MED13: variants seen among roughly 807,000 people sequenced by gnomAD.
The protein encoded by MED13 is mediator complex subunit 13, also known as mediator of RNA polymerase II transcription subunit 13.
MED13 carries 23 observed loss-of-function variants against 225.2 expected under a neutral mutation model. That is an observed-to-expected ratio of 0.10 (90% CI 0.07 to 0.14). The LOEUF (loss-of-function observed/expected upper bound fraction) is 0.14, where lower values mean the gene tolerates loss of function less well. Among genes scored for constraint, MED13 ranks in the 10% least tolerant of loss-of-function variants. The probability of loss-of-function intolerance (pLI) is 1.00; values close to 1 mark genes in which losing one functional copy is unlikely to be tolerated. For synonymous variants in MED13, 942 were observed against 889.2 expected, an observed-to-expected ratio of 1.06 and a Z score of -1.06; for missense variants, 2,197 against 2,594.5, an observed-to-expected ratio of 0.85 and a Z score of 3.33.
Position 61,954,250 on chromosome 17 carries a change from G to A in MED13, c.5968+1132C>T, listed in dbSNP as rs1603390632. Among the ~76,000 whole-genome samples, 7 of 152,292 alleles carry A rather than the reference G, an allele frequency of 4.6e-5. No individual in the cohort carries two copies. In the East Asian group the frequency reaches 1.2e-3, roughly 25 times the overall value. On this transcript the variant is annotated intron_variant, in intron 26 of 29. Coordinates refer to ENST00000397786, the MANE Select transcript of MED13 (RefSeq NM_005121.3). ...TACTTGTGACTTTAGAGATGTGAGAGTTTTTAAGGTAGCTCAGAATAACAA... is the reference window on the plus strand; with the variant it reads ...TACTTGTGACTTTAGAGATGTGAGAATTTTTAAGGTAGCTCAGAATAACAA...
intron 2 of MED13, among the ~76,000 whole-genome samples, chr17:62,060,820 C>CTACT (rs1471320467): frequency 6.6e-6 from 1 of 151,844 alleles, no homozygotes; most frequent in African/African-American, 2.4e-5. Context: ...CTGCCTCAGC[C>CTACT]TACTGAGTAG....
At position 61,982,439 on chromosome 17, in the gene MED13, C is replaced by A; in HGVS notation, c.3564G>T (p.Leu1188Phe). The part of the protein sequence containing the change: ...LKESEKLSDD[L>F]ILLLQDQCTN... ...TGCACTGATCTTGTAGCAATAATAT[C>A]AAATCATCAGATAATTTTTCAGATT... The change falls in exon 16 of 30, where the codon TTG becomes TTT. Residue 1188 changes from leucine to phenylalanine, a missense_variant. Physicochemically the swap from Leu to Phe is conservative, Grantham distance 22. Coordinates refer to ENST00000397786, the MANE Select transcript of MED13 (RefSeq NM_005121.3). 3.7e-6 allele frequency: 6 copies of A among 1,614,170 alleles called. No homozygotes were observed. The highest frequency in any genetic ancestry group is 5.1e-6 in the Non-Finnish European group (6 of 1,180,032).
chr17:61,954,594 T>C (rs1186432234), intron 26 of MED13, among the ~76,000 whole-genome samples: 1 of 152,114 alleles, frequency 6.6e-6, no homozygotes, highest in Non-Finnish European at 1.5e-5. Context: ...CTGGCCAACA[T>C]GGTGAAACCC....
chr17:61,964,869 G>A (rs1429878362), intron 20 of MED13, 137 bp downstream of exon 20: 1 of 771,026 alleles, frequency 1.3e-6, no homozygotes, highest in Non-Finnish European at 2.0e-6. Context: ...TCGGGAGGCA[G>A]AGGTTGCAGT....
chr17:62,012,530 A>G (rs769114301), intron 8 of MED13, among the ~76,000 whole-genome samples: 4 of 151,538 alleles, frequency 2.6e-5, no homozygotes, highest in Non-Finnish European at 5.9e-5. Context: ...GGGTTTTTCC[A>G]TGTTGGTCAG....
intron 5 of MED13, among the ~76,000 whole-genome samples, chr17:62,032,871 T>C (rs1289855480): frequency 1.3e-5 from 2 of 152,136 alleles, no homozygotes; most frequent in Non-Finnish European, 2.9e-5. Context: ...CCTTTTAGGC[T>C]GGGCACGGTG....
chr17:62,000,601 T>C (rs1236000279), intron 9 of MED13, among the ~76,000 whole-genome samples: 2 of 152,246 alleles, frequency 1.3e-5, no homozygotes, highest in African/African-American at 4.8e-5. Context: ...CATATATGTA[T>C]GCACATATGT....
chr17:61,963,844 A>C (rs781692043), intron 20 of MED13, among the ~76,000 whole-genome samples: 3 of 152,210 alleles, frequency 2.0e-5, no homozygotes, highest in Non-Finnish European at 2.9e-5. Flanking sequence ...CCTATAAATC[A>C]AAAGGGAAGA....
rs572291175 is a variant in MED13, at chr17:61,991,797, T to C, written c.2263+743A>G. Among the ~76,000 whole-genome samples the C allele has an allele frequency of 6.6e-5, 10 of 152,126 alleles. No individual in the cohort carries two copies. In the East Asian group the frequency reaches 1.7e-3, roughly 27 times the overall value. On this transcript the variant is annotated intron_variant, in intron 11 of 29. Coordinates refer to ENST00000397786, the MANE Select transcript of MED13 (RefSeq NM_005121.3). ...TGCTGAGATTACAGGTGTGAGCCAC[T>C]GTGCCCGGCCTAATTTTTGTATTTT...
intron 20 of MED13, 90 bp downstream of exon 20, chr17:61,964,916 A>G: frequency 1.6e-6 from 2 of 1,267,674 alleles, no homozygotes; most frequent in Non-Finnish European, 2.2e-6. Flanking sequence ...AGCCTGCGCA[A>G]AAGAGTGAGA....
chr17:62,024,384 A>C (rs1243895972), intron 8 of MED13, among the ~76,000 whole-genome samples: 1 of 152,242 alleles, frequency 6.6e-6, no homozygotes, highest in Non-Finnish European at 1.5e-5. Context: ...CTGTGTTGCC[A>C]ACATGCATAT....
chr17:61,958,486 G>A lies in MED13; in HGVS notation c.5481-2005C>T, dbSNP rs571177114. On this transcript the variant is annotated intron_variant, in intron 23 of 29. Coordinates refer to ENST00000397786, the MANE Select transcript of MED13 (RefSeq NM_005121.3). ...CCCAAGTAGCTGGGACTACAGGCGTGTACGACCACACCCAGCTAATTTTTG... is the reference window on the plus strand; with the variant it reads ...CCCAAGTAGCTGGGACTACAGGCGTATACGACCACACCCAGCTAATTTTTG... 2.5e-4 allele frequency among the ~76,000 whole-genome samples: 38 copies of A among 152,020 alleles called. 1 individual carries two copies. Among genetic ancestry groups the A allele is most frequent in the Admixed American group, 2.0e-3 (30 of 15,290 alleles).
intron 23 of MED13, among the ~76,000 whole-genome samples, chr17:61,959,751 CAG>C (rs1252904203): frequency 1.1e-4 from 12 of 112,918 alleles, no homozygotes; most frequent in African/African-American, 3.5e-4. Context: ...TTTTTTGAGA[CAG>C]GGTCTTACTC....
At chr17:61,975,970 T>A (rs1445580059) in intron 16 of MED13, among the ~76,000 whole-genome samples, 1 of 151,828 alleles carries the variant, frequency 6.6e-6, no homozygotes, top group African/African-American at 2.4e-5. Context: ...GAGCCAAGAT[T>A]GCGCCACTGC....
chr17:62,029,769 T>A lies in MED13; in HGVS notation c.1172+82A>T, dbSNP rs985015322. ...ATGAGTTAAAGAAAAATCAAACAAA[T>A]GACTGTTTATACTTTAGATATCTTC... On this transcript the variant is annotated intron_variant, in intron 7 of 29. Coordinates refer to ENST00000397786, the MANE Select transcript of MED13 (RefSeq NM_005121.3). The A allele has an allele frequency of 2.0e-6, 3 of 1,513,658 alleles. No individual in the cohort carries two copies. In the East Asian group the frequency reaches 6.9e-5, roughly 35 times the overall value. 93.8% of individuals were successfully genotyped at this position (1,513,658 alleles called of 1,614,324 possible). A position where few individuals can be genotyped will look rare whatever the true frequency, so the allele number is the denominator to read the frequency against.
chr17:61,989,571 C>T (rs1409231173), intron 11 of MED13, among the ~76,000 whole-genome samples: 2 of 152,222 alleles, frequency 1.3e-5, no homozygotes, highest in Non-Finnish European at 2.9e-5. Flanking sequence ...CTCCTGACCT[C>T]AGGTGATCTG....
chr17:61,968,245 G>A lies in MED13; in HGVS notation c.3981C>T (p.Ser1327=). The part of the protein sequence containing the change: ...AGRGSYGTDE[S]PEPLPIPTFL... ...ATGTGGGGATTGGCAGTGGTTCTGG[G>A]GATTCATCAGTTCCTAAATAAGAAA... The change falls in exon 18 of 30, where the codon TCC becomes TCT. Residue 1327 remains serine (S), a synonymous_variant. Coordinates refer to ENST00000397786, the MANE Select transcript of MED13 (RefSeq NM_005121.3). 1 of 1,611,352 alleles carries A rather than the reference G, an allele frequency of 6.2e-7. No individual in the cohort carries two copies. The highest frequency in any genetic ancestry group is 2.2e-5 in the East Asian group (1 of 44,840).
At chr17:62,052,782 TA>T (rs2080967377) in intron 2 of MED13, 77 bp from the exon 3 acceptor site, 3 of 1,055,634 alleles carry the variant, frequency 2.8e-6, no homozygotes, top group Non-Finnish European at 4.0e-6. Context: ...GGTTACAGTT[TA>T]AACTCTATAT....
At chr17:62,041,344 A>G (rs2080850460) in intron 3 of MED13, among the ~76,000 whole-genome samples, 1 of 152,216 alleles carries the variant, frequency 6.6e-6, no homozygotes, top group Non-Finnish European at 1.5e-5. Context: ...TTCTAGACAG[A>G]CAAAGTAGAA....
Sources: allele counts gnomAD v4.1 joint callset (sites outside exome capture counted in the v4.1 genomes callset), GRCh38; gene constraint gnomAD v4.1.1; transcripts MANE v1.5; gene names NCBI Gene and HGNC (gene_info 2026-07-23, HGNC 2026-07-21).